Variants in TFAP2D observed in about 807,000 individuals in gnomAD.
The protein encoded by TFAP2D is transcription factor AP-2-delta.
A neutral mutation model predicts 43.6 loss-of-function variants in TFAP2D; 9 were observed. That is an observed-to-expected ratio of 0.21 (90% CI 0.12 to 0.36). TFAP2D has a LOEUF of 0.36. TFAP2D is among the 10% of genes least tolerant of loss of function. The pLI, the probability that TFAP2D is intolerant of heterozygous loss-of-function variation, is 1.00. For missense variants in TFAP2D, 513 were observed against 561.4 expected (o/e 0.91, Z 0.87); for synonymous variants, 256 against 224.9 (o/e 1.14, Z -1.24).
intron 3 of TFAP2D, among the ~76,000 whole-genome samples, chr6:50,721,757 T>C (rs928497313): frequency 6.6e-6 from 1 of 152,226 alleles, no homozygotes; most frequent in Non-Finnish European, 1.5e-5. Context: ...ACATGAAACA[T>C]GATTTATTGC....
chr6:50,736,938 C>G (rs188272066), intron 5 of TFAP2D, among the ~76,000 whole-genome samples: 1 of 152,210 alleles, frequency 6.6e-6, no homozygotes, highest in East Asian at 1.9e-4. Context: ...CCTTTCAAAA[C>G]TTAATGGATC....
chr6:50,717,921 T>C (rs1361823944), intron 2 of TFAP2D: 2 of 152,196 alleles, frequency 1.3e-5, no homozygotes, highest in African/African-American at 4.8e-5. Context: ...ATGCAACAAA[T>C]GTAAATATAC....
chr6:50,718,422 T>A (rs1383920459), intron 2 of TFAP2D, among the ~76,000 whole-genome samples: 1 of 152,200 alleles, frequency 6.6e-6, no homozygotes, highest in African/African-American at 2.4e-5. Context: ...TTTAACACAT[T>A]TTGATTTGGG....
intron 3 of TFAP2D, among the ~76,000 whole-genome samples, chr6:50,727,125 C>T (rs903334103): frequency 1.3e-5 from 2 of 152,168 alleles, no homozygotes; most frequent in African/African-American, 2.4e-5. Context: ...ACTGATTACT[C>T]TTCTGGTTTT....
chr6:50,745,382 T>A (rs1222253439), intron 6 of TFAP2D, 134 bp downstream of exon 6: 2 of 1,285,546 alleles, frequency 1.6e-6, no homozygotes, highest in South Asian at 1.4e-5. Flanking sequence ...AGCAGCTAGA[T>A]ATATTAAACA....
intron 7 of TFAP2D, among the ~76,000 whole-genome samples, chr6:50,756,643 C>T (rs1769269571): frequency 6.6e-6 from 1 of 151,990 alleles, no homozygotes; most frequent in Non-Finnish European, 1.5e-5. Context: ...TTCTTGTTTC[C>T]ATCAAAATGA....
At chr6:50,750,525 A>C (rs898961224) in intron 6 of TFAP2D, among the ~76,000 whole-genome samples, 1 of 152,010 alleles carries the variant, frequency 6.6e-6, no homozygotes, top group African/African-American at 2.4e-5. Context: ...TACATCACAA[A>C]GTCTTTACTG....
intron 3 of TFAP2D, 100 bp downstream of exon 3, chr6:50,719,250 T>A: frequency 8.1e-7 from 1 of 1,230,582 alleles, no homozygotes; most frequent in Non-Finnish European, 1.2e-6. Context: ...TTCTGATGAT[T>A]AAGAAAACAA....
At chr6:50,728,369 C>T (rs774689086) in intron 3 of TFAP2D, among the ~76,000 whole-genome samples, 1 of 152,080 alleles carries the variant, frequency 6.6e-6, no homozygotes, top group South Asian at 2.1e-4. Flanking sequence ...CTTTAATTGG[C>T]AGATGGATGA....
chr6:50,728,008 G>A (rs1346598785), intron 3 of TFAP2D, among the ~76,000 whole-genome samples: 1 of 152,138 alleles, frequency 6.6e-6, no homozygotes, highest in Non-Finnish European at 1.5e-5. Context: ...GGAGATTGAA[G>A]CTCAGGGGGC....
At chr6:50,770,240 G>C (rs554648243) in intron 7 of TFAP2D, among the ~76,000 whole-genome samples, 2 of 152,270 alleles carry the variant, frequency 1.3e-5, no homozygotes, top group East Asian at 3.9e-4. Flanking sequence ...CCCTCTAGTT[G>C]TCTCATTGTA....
At chr6:50,742,043 G>A (rs1200695590) in intron 5 of TFAP2D, among the ~76,000 whole-genome samples, 6 of 152,014 alleles carry the variant, frequency 3.9e-5, no homozygotes, top group Non-Finnish European at 8.8e-5. Flanking sequence ...AAAATGTCTA[G>A]TTTTCTTAAA....
At chr6:50,732,005 C>T (rs1196886345) in intron 5 of TFAP2D, among the ~76,000 whole-genome samples, 1 of 152,022 alleles carries the variant, frequency 6.6e-6, no homozygotes, top group Admixed American at 6.6e-5. Context: ...TACAGTTTTA[C>T]TCCTGTATGA....
intron 5 of TFAP2D, among the ~76,000 whole-genome samples, chr6:50,741,166 T>A (rs1769039405): frequency 6.6e-6 from 1 of 152,054 alleles, no homozygotes; most frequent in Non-Finnish European, 1.5e-5. Context: ...TCCTTCATGG[T>A]TTTCACTTTT....
intron 5 of TFAP2D, among the ~76,000 whole-genome samples, chr6:50,741,285 T>C (rs1300264779): frequency 6.6e-6 from 1 of 152,164 alleles, no homozygotes; most frequent in Non-Finnish European, 1.5e-5. Flanking sequence ...ACCCTACTTC[T>C]TTTTTTAAAC....
At chr6:50,749,794 A>G in intron 6 of TFAP2D, among the ~76,000 whole-genome samples, 1 of 151,914 alleles carries the variant, frequency 6.6e-6, no homozygotes. Context: ...AAGTAGAAAC[A>G]CACAGTTGTT....
At chr6:50,719,486 AAAGAAAGAAAGAAAG>A (rs1385085348) in intron 3 of TFAP2D, among the ~76,000 whole-genome samples, 45 of 138,276 alleles carry the variant, frequency 3.3e-4, no homozygotes, top group South Asian at 7.1e-4. Flanking sequence ...AGAAAGAAAG[AAAGAAAGAAAGAAAG>A]AAGTTTCTCA....
At chr6:50,751,432 C>T (rs1339930891) in intron 7 of TFAP2D, 108 bp downstream of exon 7, 2 of 733,856 alleles carry the variant, frequency 2.7e-6, no homozygotes, top group East Asian at 5.4e-5. Flanking sequence ...TGGTGACTGT[C>T]CTAGTCCTTT....
intron 7 of TFAP2D, among the ~76,000 whole-genome samples, chr6:50,771,775 T>A (rs1769532374): frequency 6.6e-6 from 1 of 152,116 alleles, no homozygotes; most frequent in African/African-American, 2.4e-5. Flanking sequence ...GAAATAGGAA[T>A]ATTTTTACAC....
Sources: gnomAD v4.1 joint callset for allele counts (sites outside exome capture counted in the v4.1 genomes callset) on GRCh38, gnomAD v4.1.1 for gene constraint, MANE v1.5 for transcripts, NCBI Gene and HGNC (gene_info 2026-07-23, HGNC 2026-07-21) for gene names.